PPP6R3: variants seen among roughly 807,000 people sequenced by gnomAD.
The protein encoded by PPP6R3 is protein phosphatase 6 regulatory subunit 3.
A neutral mutation model predicts 110.7 loss-of-function variants in PPP6R3; 38 were observed. The observed-to-expected ratio is 0.34, with a 90% CI of 0.26 to 0.45. The LOEUF is 0.45. Ranked by LOEUF, PPP6R3 falls within the 20% of genes least tolerant of loss-of-function variation. PPP6R3 has a pLI of 1.00. For missense variants in PPP6R3, 870 were observed against 1,062.4 expected (o/e 0.82, Z 2.52); for synonymous variants, 369 against 373.5 (o/e 0.99, Z 0.14).
chr11:68,494,335 C>T (rs1024372952), intron 1 of PPP6R3, among the ~76,000 whole-genome samples: 4 of 148,654 alleles, frequency 2.7e-5, no homozygotes, highest in African/African-American at 9.9e-5. Context: ...ACCATCCTGT[C>T]CCACATGGTG....
chr11:68,524,036 A>G (rs966661186), intron 2 of PPP6R3, among the ~76,000 whole-genome samples: 13 of 152,000 alleles, frequency 8.6e-5, no homozygotes, highest in African/African-American at 2.2e-4. Flanking sequence ...TTTATATCCA[A>G]TGGATTTTGA....
intron 1 of PPP6R3, among the ~76,000 whole-genome samples, chr11:68,497,737 T>C (rs912321707): frequency 6.6e-6 from 1 of 152,250 alleles, no homozygotes; most frequent in Non-Finnish European, 1.5e-5. Context: ...ATGGTGTTAT[T>C]ACTGAAGGAT....
intron 1 of PPP6R3, among the ~76,000 whole-genome samples, chr11:68,491,348 GT>G (rs2098982775): frequency 2.0e-5 from 3 of 149,086 alleles, no homozygotes; most frequent in African/African-American, 7.5e-5. Context: ...GTGTGTGTGT[GT>G]GTGTGTGTGT....
At chr11:68,553,490 T>C (rs1199296182) in intron 6 of PPP6R3, among the ~76,000 whole-genome samples, 1 of 151,984 alleles carries the variant, frequency 6.6e-6, no homozygotes, top group Non-Finnish European at 1.5e-5. Flanking sequence ...ATGGGGTTTC[T>C]CCATGTTGGT....
At chr11:68,590,871 C>A (rs569062850) in intron 17 of PPP6R3, among the ~76,000 whole-genome samples, 157 bp downstream of exon 17, 1 of 152,074 alleles carries the variant, frequency 6.6e-6, no homozygotes, top group African/African-American at 2.4e-5. Context: ...CTACCTGGCA[C>A]CCGTGGGCAT....
chr11:68,577,789 A>G (rs545193327), intron 14 of PPP6R3, among the ~76,000 whole-genome samples: 79 of 152,328 alleles, frequency 5.2e-4, no homozygotes, highest in African/African-American at 1.9e-3. Flanking sequence ...TTTGGGCTCC[A>G]TCTGTCACTC....
At chr11:68,560,173 C>T (rs1395254827) in intron 8 of PPP6R3, among the ~76,000 whole-genome samples, 1 of 152,142 alleles carries the variant, frequency 6.6e-6, no homozygotes, top group Non-Finnish European at 1.5e-5. Context: ...ACAAATTAAA[C>T]CCAAGGCAAA....
chr11:68,486,561 C>T (rs1311622174), intron 1 of PPP6R3, among the ~76,000 whole-genome samples: 4 of 146,680 alleles, frequency 2.7e-5, no homozygotes, highest in Non-Finnish European at 4.5e-5. Flanking sequence ...GCTGAGATCA[C>T]GCCCTGCACT....
Position 68,613,336 on chromosome 11 carries a change from G to C in PPP6R3, c.*219G>C. 7.5e-7 allele frequency: 1 copy of C among 1,331,204 alleles called. No individual in the cohort carries two copies. Among genetic ancestry groups the C allele is most frequent in the Non-Finnish European group, 9.6e-7 (1 of 1,042,630 alleles). 82.5% of individuals were successfully genotyped at this position (1,331,204 alleles called of 1,614,324 possible). On this transcript the variant is annotated 3_prime_UTR_variant, in exon 24 of 24. Transcript: ENST00000393800. Reference sequence around the variant, plus strand: ...ACAAATACCAAGAATTTTTGCGTATGTTTATATTGTATTGTTCTAAATAAT... The same window carrying C: ...ACAAATACCAAGAATTTTTGCGTATCTTTATATTGTATTGTTCTAAATAAT...
At chr11:68,530,426 GTCTT>G (rs2099231566) in intron 2 of PPP6R3, among the ~76,000 whole-genome samples, 1 of 152,202 alleles carries the variant, frequency 6.6e-6, no homozygotes, top group East Asian at 1.9e-4. Context: ...GTTGTCTTAA[GTCTT>G]TCTTGTGTGT....
At chr11:68,568,767 T>C (rs1266477430) in intron 10 of PPP6R3, among the ~76,000 whole-genome samples, 1 of 152,026 alleles carries the variant, frequency 6.6e-6, no homozygotes, top group African/African-American at 2.4e-5. Context: ...AATGAAATTC[T>C]TACAATTTTT....
At chr11:68,475,398 C>T (rs1338308749) in intron 1 of PPP6R3, among the ~76,000 whole-genome samples, 2 of 152,196 alleles carry the variant, frequency 1.3e-5, no homozygotes, top group African/African-American at 2.4e-5. Context: ...CCGCCATCGT[C>T]ATCATGGCCC....
At chr11:68,612,033 T>C (rs1292184946) in intron 23 of PPP6R3, among the ~76,000 whole-genome samples, 2 of 152,260 alleles carry the variant, frequency 1.3e-5, no homozygotes, top group Non-Finnish European at 2.9e-5. Flanking sequence ...TTATTTCATA[T>C]GTATACTAGT....
At chr11:68,488,413 G>T (rs763452661) in intron 1 of PPP6R3, among the ~76,000 whole-genome samples, 2 of 152,266 alleles carry the variant, frequency 1.3e-5, no homozygotes, top group East Asian at 3.9e-4. Context: ...GGCTCAAGCA[G>T]TCCTCCTATC....
intron 22 of PPP6R3, among the ~76,000 whole-genome samples, chr11:68,607,791 T>G (rs74892150): frequency 3.9e-5 from 6 of 152,060 alleles, no homozygotes; most frequent in Admixed American, 3.9e-4. Flanking sequence ...TTTTTTTTTT[T>G]AACACGAGGT....
intron 1 of PPP6R3, among the ~76,000 whole-genome samples, chr11:68,461,292 A>G (rs1191399712): frequency 6.6e-6 from 1 of 152,002 alleles, no homozygotes; most frequent in Non-Finnish European, 1.5e-5. Context: ...ACTCGCCGTC[A>G]AGAGTCGCGA....
At chr11:68,576,287 CCTA>C in intron 14 of PPP6R3, among the ~76,000 whole-genome samples, 1 of 152,218 alleles carries the variant, frequency 6.6e-6, no homozygotes, top group East Asian at 1.9e-4. Context: ...TGCTCCACAT[CCTA>C]CTTAGTGTCC....
In PPP6R3 at chr11:68,615,092, T is replaced by G. The variant is rs57625555; in HGVS notation, c.*1975T>G. Reference sequence around the variant, plus strand: ...CTGCTGGGAGAGAGCCTCTGGGACTTTTCTTTGGGGCATCATTTTGTTTTG... The same window carrying G: ...CTGCTGGGAGAGAGCCTCTGGGACTGTTCTTTGGGGCATCATTTTGTTTTG... On this transcript the variant is annotated 3_prime_UTR_variant, in exon 24 of 24. Coordinates refer to ENST00000393800, the MANE Select transcript of PPP6R3 (RefSeq NM_001164161.2). 9,917 of 466,286 alleles carry G rather than the reference T, an allele frequency of 0.021. 851 individuals carry two copies. The highest frequency in any genetic ancestry group is 0.18 in the African/African-American group (8,886 of 50,506). The allele number at this position is 466,286 out of a possible 1,614,324, so 28.9% of individuals were successfully genotyped here.
chr11:68,599,743 CA>C (rs2099624949), intron 19 of PPP6R3, among the ~76,000 whole-genome samples: 1 of 152,202 alleles, frequency 6.6e-6, no homozygotes, highest in Non-Finnish European at 1.5e-5. Context: ...GTACATTTGT[CA>C]AAACTAAGAA....
Sources: gnomAD v4.1 joint callset for allele counts (sites outside exome capture counted in the v4.1 genomes callset) on GRCh38, gnomAD v4.1.1 for gene constraint, MANE v1.5 for transcripts, NCBI Gene and HGNC (gene_info 2026-07-23, HGNC 2026-07-21) for gene names.